The following PORCN variants were observed in gnomAD, a reference collection of about 807,000 sequenced individuals.
The protein encoded by PORCN is protein-serine O-palmitoleoyltransferase porcupine.
A neutral mutation model predicts 43.0 loss-of-function variants in PORCN; 1 was observed. The observed-to-expected ratio is 0.02, with a 90% CI of 0.01 to 0.11. The LOEUF (loss-of-function observed/expected upper bound fraction) is 0.11. Among genes scored for constraint, PORCN ranks in the 10% least tolerant of loss-of-function variants. The probability of loss-of-function intolerance (pLI) is 1.00; values close to 1 mark genes in which losing one functional copy is unlikely to be tolerated. For synonymous variants in PORCN, 148 were observed against 166.4 expected (o/e 0.89, Z 0.85); for missense variants, 240 against 392.1 (o/e 0.61, Z 3.28).
rs1374761900 is a variant in PORCN, at chrX:48,514,224, G to A, written c.720-16G>A. The A allele has an allele frequency of 5.0e-6, 6 of 1,210,336 alleles. No homozygotes were observed. In the Admixed American group the frequency reaches 1.3e-4, roughly 26 times the overall value. On this transcript the variant is annotated splice_polypyrimidine_tract_variant and intron_variant, in intron 8 of 14. Coordinates refer to ENST00000326194, the MANE Select transcript of PORCN (RefSeq NM_203475.3). ...CCTGAACGTGATGCCTCTCACCCCTGCCCCTTTCTCCCCAGGTGGCTGCGA... is the reference window on the plus strand; with the variant it reads ...CCTGAACGTGATGCCTCTCACCCCTACCCCTTTCTCCCCAGGTGGCTGCGA...
rs782294930 is a variant in PORCN, at chrX:48,512,430, T to A, written c.478T>A (p.Tyr160Asn). 4 of 1,211,296 alleles carry A rather than the reference T, an allele frequency of 3.3e-6. No homozygotes were observed. In the Middle Eastern group the frequency reaches 6.9e-4, roughly 209 times the overall value. ...GCCAGTGGAGTTCATGGGCTACCTC[T>A]ACTTCGTGGGCACCATCGTCTTCGG... Reference protein sequence around the residue: ...PSPVEFMGYLYFVGTIVFGPW... With the variant: ...PSPVEFMGYLNFVGTIVFGPW... Residue 160 changes from tyrosine to asparagine, a missense_variant, in exon 5 of 15, where the codon TAC becomes AAC. Physicochemically the swap from Tyr to Asn is moderately radical, Grantham distance 143. Coordinates refer to ENST00000326194, the MANE Select transcript of PORCN (RefSeq NM_203475.3).
chrX:48,511,420 C>G lies in PORCN; in HGVS notation c.262C>G (p.Leu88Val). ...CCTCCTGTGCTACCTCGTGCTGTTC[C>G]TCTGCCGACATTCCTCCCATCGAGG... ...LSLLCYLVLF[L>V]CRHSSHRGVF... Residue 88 changes from leucine to valine, a missense_variant, in exon 3 of 15, where the codon CTC (leucine) becomes GTC (valine). Physicochemically the swap from Leu to Val is conservative, Grantham distance 32 (BLOSUM62 1). Transcript: ENST00000326194. 1 of 1,211,413 alleles carries G rather than the reference C, an allele frequency of 8.3e-7. No individual in the cohort carries two copies. The highest frequency in any genetic ancestry group is 1.1e-6 in the Non-Finnish European group (1 of 895,247).
chrX:48,511,968 C>T lies in PORCN; in HGVS notation c.373+33C>T, dbSNP rs782199872. ...GCCCTGCCCCTCTCACCTGCCCAAC[C>T]CCCCTGCCCCACTCCTCGTCTCCTA... On this transcript the variant is annotated intron_variant, in intron 4 of 14. Transcript: ENST00000326194. 4 of 1,136,592 alleles carry T rather than the reference C, an allele frequency of 3.5e-6. No individual in the cohort carries two copies. The South Asian group carries it at 7.2e-5, about 21-fold the overall frequency. The allele number at this position is 1,136,592 out of a possible 1,213,427, so 93.7% of individuals were successfully genotyped here.
At chrX:48,509,357 T>A in intron 1 of PORCN, 1 of 296,548 alleles carries the variant, frequency 3.4e-6, no homozygotes, top group Non-Finnish European at 5.5e-6. Flanking sequence ...TGCCGCCGCA[T>A]CCATACAAGG....
intron 10 of PORCN, 114 bp from the exon 11 acceptor site, chrX:48,515,603 G>A (rs782411941): frequency 6.6e-6 from 4 of 603,189 alleles, no homozygotes; most frequent in Admixed American, 2.4e-5. Context: ...GCCATCTAAG[G>A]ACTTTATCCT....
At chrX:48,510,774 CATCT>C (rs1202765035) in intron 2 of PORCN, among the ~76,000 whole-genome samples, 26 of 109,948 alleles carry the variant, frequency 2.4e-4, no homozygotes, top group South Asian at 1.1e-3. Flanking sequence ...TATATCTATC[CATCT>C]ATCTATCTAT....
At chrX:48,515,642 C>T (rs1361359381) in intron 10 of PORCN, 75 bp from the exon 11 acceptor site, 20 of 874,474 alleles carry the variant, frequency 2.3e-5, no homozygotes, top group Non-Finnish European at 3.4e-5. Flanking sequence ...TGGGTATTCT[C>T]ATCCTGCTGA....
At chrX:48,509,278 G>A (rs2061656478) in intron 1 of PORCN, 175 bp downstream of exon 1, 17 of 238,492 alleles carry the variant, frequency 7.1e-5, no homozygotes, top group South Asian at 7.0e-4. Flanking sequence ...GCAGGACTTT[G>A]TTGGCGGCCT....
chrX:48,518,501 G>A (rs782105888), intron 14 of PORCN, among the ~76,000 whole-genome samples: 111 of 111,999 alleles, frequency 9.9e-4, no homozygotes, highest in South Asian at 2.9e-3. Context: ...GATTACAGGC[G>A]TGAGCCACCA....
At chrX:48,515,252 CG>C (rs1332562639) in intron 10 of PORCN, among the ~76,000 whole-genome samples, 2 of 112,226 alleles carry the variant, frequency 1.8e-5, no homozygotes, top group African/African-American at 6.5e-5. Flanking sequence ...TGGGCTGACT[CG>C]GGTTGCAGCA....
At chrX:48,515,560 C>G in intron 10 of PORCN, 157 bp from the exon 11 acceptor site, 6 of 505,848 alleles carry the variant, frequency 1.2e-5, no homozygotes, top group Non-Finnish European at 2.1e-5. Context: ...CTGGGAAGAT[C>G]GGGAGCTGGG....
At chrX:48,511,691 T>G (rs1317479532) in intron 3 of PORCN, among the ~76,000 whole-genome samples, 2 of 111,218 alleles carry the variant, frequency 1.8e-5, no homozygotes, top group East Asian at 5.7e-4. Flanking sequence ...GGGAGATTTG[T>G]CCTTTCACAG....
intron 7 of PORCN, among the ~76,000 whole-genome samples, 176 bp downstream of exon 7, chrX:48,513,028 GACACTCCA>G (rs1406698946): frequency 8.9e-6 from 1 of 112,289 alleles, no homozygotes; most frequent in East Asian, 2.8e-4. Context: ...CTGTTTGACT[GACACTCCA>G]ACACATACTG....
Position 48,516,217 on chromosome X carries a change from G to C in PORCN, c.1173+71G>C. ...AAAATGTTCCTTCTATCTCTATCTT[G>C]TATGTGTCTCAGGGTGCCCACCTTC... On this transcript the variant is annotated intron_variant, in intron 13 of 14. Transcript: ENST00000326194. 10 of 1,012,861 alleles carry C rather than the reference G, an allele frequency of 9.9e-6. No individual in the cohort carries two copies. The South Asian group carries it at 2.0e-4, about 20-fold the overall frequency. The allele number at this position is 1,012,861 out of a possible 1,213,427, so 83.5% of individuals were successfully genotyped here. A position where few individuals can be genotyped will look rare whatever the true frequency, so the allele number is the denominator to read the frequency against.
intron 2 of PORCN, 54 bp downstream of exon 2, chrX:48,510,010 C>G: frequency 2.0e-6 from 2 of 976,385 alleles, no homozygotes; most frequent in Non-Finnish European, 2.9e-6. Context: ...AGACCTCCCA[C>G]ATTCATCCAT....
At position 48,520,503 on chromosome X, in the gene PORCN, T is replaced by G. The variant is rs2061752478; in HGVS notation, c.*27T>G. ...GCACATCTGTGGACCCTCATAACCCTCTTAAGACCCCTCTCAGGGTGCCAC... is the reference window on the plus strand; with the variant it reads ...GCACATCTGTGGACCCTCATAACCCGCTTAAGACCCCTCTCAGGGTGCCAC... On this transcript the variant is annotated 3_prime_UTR_variant, in exon 15 of 15. Transcript: ENST00000326194. The G allele has an allele frequency of 9.1e-7, 1 of 1,097,476 alleles. No individual in the cohort carries two copies. Among genetic ancestry groups the G allele is most frequent in the Non-Finnish European group, 1.3e-6 (1 of 793,804 alleles). 90.4% of individuals were successfully genotyped at this position (1,097,476 alleles called of 1,213,427 possible). A position where few individuals can be genotyped will look rare whatever the true frequency, so the allele number is the denominator to read the frequency against.
rs373433770 is a variant in PORCN at position 48,515,738 on chromosome X, G to A, written c.968G>A (p.Arg323His). The change falls in exon 11 of 15, where the codon CGC becomes CAC. Residue 323 changes from arginine to histidine, a missense_variant. Transcript: ENST00000326194. ...CCAGATGTTTTCAAGAATGCTCTCC[G>A]CCTGGGGACCTTCTCGGCTGTGCTG... ...LNNYVFKNAL[R>H]LGTFSAVLVT... 21 of 1,207,126 alleles carry A rather than the reference G, an allele frequency of 1.7e-5. No homozygotes were observed. The highest frequency in any genetic ancestry group is 1.1e-4 in the African/African-American group (6 of 56,407).
chrX:48,511,248 C>T (rs782045369), intron 2 of PORCN, 47 bp from the exon 3 acceptor site: 2 of 606,286 alleles, frequency 3.3e-6, no homozygotes, highest in East Asian at 1.3e-4. Context: ...CTCTTTCTCT[C>T]TCTTTCTCGT....
intron 14 of PORCN, 86 bp downstream of exon 14, chrX:48,517,379 G>A: frequency 2.9e-6 from 2 of 678,054 alleles, no homozygotes; most frequent in South Asian, 2.4e-5. Flanking sequence ...CTGGGAAGCT[G>A]AGGCCTGAGC....
Sources: allele counts gnomAD v4.1 joint callset (sites outside exome capture counted in the v4.1 genomes callset), GRCh38; gene constraint gnomAD v4.1.1; transcripts MANE v1.5; gene names NCBI Gene and HGNC (gene_info 2026-07-23, HGNC 2026-07-21).